Variants in MBNL2 observed in about 807,000 individuals in gnomAD.
The protein encoded by MBNL2 is muscleblind-like protein 2.
Under a neutral mutation model 41.9 loss-of-function variants are expected in MBNL2, and 17 were observed. The ratio of observed to expected loss-of-function variants is 0.41; its 90% CI spans 0.28 to 0.61. The LOEUF (loss-of-function observed/expected upper bound fraction) is 0.61, where lower values mean the gene tolerates loss of function less well. Ranked by LOEUF, MBNL2 falls within the 20% of genes least tolerant of loss-of-function variation. The pLI, the probability that MBNL2 is intolerant of heterozygous loss-of-function variation, is 0.35. For synonymous variants in MBNL2, 195 were observed against 182.9 expected (o/e 1.07, Z -0.53); for missense variants, 336 against 505.6 (o/e 0.66, Z 3.22).
intron 1 of MBNL2, among the ~76,000 whole-genome samples, chr13:97,228,530 T>A (rs1453920076): frequency 7.2e-5 from 1 of 13,960 alleles, no homozygotes; most frequent in African/African-American, 2.7e-4. Flanking sequence ...ATTTATTATC[T>A]TTTTTTTTTT....
chr13:97,168,217 G>A, the MBNL2 span, among the ~76,000 whole-genome samples: 1 of 152,312 alleles, frequency 6.6e-6, no homozygotes, highest in East Asian at 1.9e-4. Flanking sequence ...ACCCACCTCA[G>A]CCTCTCAAAG....
the MBNL2 span, among the ~76,000 whole-genome samples, chr13:97,143,074 A>T: frequency 6.6e-6 from 1 of 152,148 alleles, no homozygotes; most frequent in African/African-American, 2.4e-5. Context: ...GGTTTATAAT[A>T]GCTTAAAAAT....
chr13:97,214,959 A>T, the MBNL2 span, among the ~76,000 whole-genome samples: 1 of 152,210 alleles, frequency 6.6e-6, no homozygotes, highest in Admixed American at 6.5e-5. Context: ...AAGGTGGATG[A>T]TCCTGGCAAG....
the MBNL2 span, among the ~76,000 whole-genome samples, chr13:97,204,264 A>C: frequency 2.0e-5 from 3 of 152,216 alleles, no homozygotes; most frequent in Admixed American, 6.5e-5. Context: ...AAAGACTCGC[A>C]GGTGAGGCGA....
At chr13:97,261,455 T>C (rs1249152116) in intron 1 of MBNL2, among the ~76,000 whole-genome samples, 1 of 152,218 alleles carries the variant, frequency 6.6e-6, no homozygotes, top group African/African-American at 2.4e-5. Context: ...CTTTTTGTTC[T>C]TTTAAATTGT....
chr13:97,221,372 A>AT (rs1373830961), upstream of MBNL2: 3 of 146,000 alleles, frequency 2.1e-5, no homozygotes, highest in Admixed American at 2.0e-4. Context: ...AGACTGGGAA[A>AT]TAAATAAATA....
intron 1 of MBNL2, among the ~76,000 whole-genome samples, chr13:97,247,042 C>A (rs2045609068): frequency 6.6e-6 from 1 of 152,098 alleles, no homozygotes; most frequent in African/African-American, 2.4e-5. Context: ...AGTCTCGAAA[C>A]CAATTCTTTG....
intron 2 of MBNL2, among the ~76,000 whole-genome samples, chr13:97,332,889 G>A (rs949448916): frequency 6.2e-4 from 95 of 152,204 alleles, no homozygotes; most frequent in African/African-American, 2.2e-3. Flanking sequence ...AACTATTAAC[G>A]CTGCTAACAG....
intron 2 of MBNL2, among the ~76,000 whole-genome samples, chr13:97,281,262 T>C (rs60444792): frequency 6.6e-6 from 1 of 152,346 alleles, no homozygotes; most frequent in African/African-American, 2.4e-5. Flanking sequence ...GTCCATGTGA[T>C]TGACACCCCC....
At chr13:97,282,352 C>T (rs2053602853) in intron 2 of MBNL2, among the ~76,000 whole-genome samples, 1 of 151,904 alleles carries the variant, frequency 6.6e-6, no homozygotes, top group Non-Finnish European at 1.5e-5. Flanking sequence ...AAGACTTCAT[C>T]TCAAGAAAAA....
the MBNL2 span, among the ~76,000 whole-genome samples, chr13:97,174,706 T>A: frequency 2.0e-5 from 3 of 152,166 alleles, no homozygotes; most frequent in Non-Finnish European, 4.4e-5. Flanking sequence ...CTAGATCACA[T>A]CTGCACACTT....
the MBNL2 span, among the ~76,000 whole-genome samples, chr13:97,178,114 A>T: frequency 6.6e-6 from 1 of 152,230 alleles, no homozygotes. Context: ...GAAAAAGTCA[A>T]TGGAAGTAAA....
upstream of MBNL2, chr13:97,221,687 C>T (rs963380194): frequency 2.0e-5 from 3 of 152,064 alleles, no homozygotes; most frequent in African/African-American, 7.2e-5. Context: ...TCCAGCATTC[C>T]CTAATCGAAG....
chr13:97,143,537 C>T, the MBNL2 span, among the ~76,000 whole-genome samples: 1 of 152,106 alleles, frequency 6.6e-6, no homozygotes, highest in African/African-American at 2.4e-5. Context: ...TTTACTAGTC[C>T]CTGGTACAGA....
the MBNL2 span, among the ~76,000 whole-genome samples, chr13:97,167,663 C>A: frequency 1.3e-5 from 2 of 152,010 alleles, no homozygotes; most frequent in Non-Finnish European, 2.9e-5. Flanking sequence ...AATCATAAAG[C>A]AGAGGATTTA....
intron 8 of MBNL2, among the ~76,000 whole-genome samples, chr13:97,380,643 TACAGTC>T (rs1422416250): frequency 6.6e-6 from 1 of 152,110 alleles, no homozygotes; most frequent in Non-Finnish European, 1.5e-5. Context: ...TACAAATAAT[TACAGTC>T]AGAGTCCTTA....
intron 2 of MBNL2, among the ~76,000 whole-genome samples, chr13:97,287,667 T>C (rs1235064272): frequency 6.6e-6 from 1 of 151,754 alleles, no homozygotes; most frequent in Non-Finnish European, 1.5e-5. Context: ...GTTTTCTTCT[T>C]ATTCTTCTGA....
the MBNL2 span, among the ~76,000 whole-genome samples, chr13:97,170,864 G>A: frequency 3.3e-4 from 51 of 152,262 alleles, no homozygotes; most frequent in South Asian, 0.01. Context: ...CTTTACATAG[G>A]TGGTTAAGTT....
At chr13:97,347,165 G>A in intron 5 of MBNL2, 98 bp downstream of exon 5, 1 of 940,240 alleles carries the variant, frequency 1.1e-6, no homozygotes, top group East Asian at 2.8e-5. Context: ...GGGAAACATG[G>A]AAGGCTGCTA....
Sources: allele counts gnomAD v4.1 joint callset (sites outside exome capture counted in the v4.1 genomes callset), GRCh38; gene constraint gnomAD v4.1.1; transcripts MANE v1.5; gene names NCBI Gene and HGNC (gene_info 2026-07-23, HGNC 2026-07-21).